The following ZBTB7C variants were observed in gnomAD, a reference collection of about 807,000 sequenced individuals.
ZBTB7C encodes zinc finger and BTB domain-containing protein 7C.
ZBTB7C carries 8 observed loss-of-function variants against 25.7 expected under a neutral mutation model. The observed-to-expected ratio is 0.31, with a 90% CI of 0.18 to 0.56. ZBTB7C has a LOEUF of 0.56. Ranked by LOEUF, ZBTB7C falls within the 20% of genes least tolerant of loss-of-function variation. ZBTB7C has a pLI of 0.91. For missense variants in ZBTB7C, 824 were observed against 855.2 expected, an observed-to-expected ratio of 0.96 and a Z score of 0.46; for synonymous variants, 394 against 369.0, an observed-to-expected ratio of 1.07 and a Z score of -0.78.
At chr18:48,173,424 C>T (rs2041561059) in intron 3 of ZBTB7C, among the ~76,000 whole-genome samples, 1 of 152,184 alleles carries the variant, frequency 6.6e-6, no homozygotes, top group Non-Finnish European at 1.5e-5. Flanking sequence ...AAACTCCTCC[C>T]AGCCCACCCT....
chr18:48,134,889 T>C (rs2040098111), intron 3 of ZBTB7C, among the ~76,000 whole-genome samples: 1 of 152,244 alleles, frequency 6.6e-6, no homozygotes, highest in Non-Finnish European at 1.5e-5. Flanking sequence ...TCCTGGGCAC[T>C]TGGGGCAGAG....
Position 48,029,068 on chromosome 18 carries a change from G to T in ZBTB7C, c.*192C>A. ...CCTGGCCTTTTGGGAAAAGATGCCC[G>T]TCTCAGACCAGCAAAAGGAGGCAGC... On this transcript the variant is annotated 3_prime_UTR_variant, in exon 5 of 5. Coordinates refer to ENST00000590800, the MANE Select transcript of ZBTB7C (RefSeq NM_001318841.2). 1.2e-6 allele frequency: 1 copy of T among 809,506 alleles called. No individual in the cohort carries two copies. 50.1% of individuals were successfully genotyped at this position (809,506 alleles called of 1,614,324 possible). A position where few individuals can be genotyped will look rare whatever the true frequency, so the allele number is the denominator to read the frequency against.
At chr18:48,120,532 C>A (rs1598915562) in intron 3 of ZBTB7C, among the ~76,000 whole-genome samples, 1 of 152,094 alleles carries the variant, frequency 6.6e-6, no homozygotes, top group African/African-American at 2.4e-5. Context: ...ATCACTTGAA[C>A]CTTGGAGGTG....
Position 48,381,414 on chromosome 18 carries a change from T to TCTA in ZBTB7C, c.-304+27811_-304+27812insTAG, listed in dbSNP as rs2047631382. ...AAGAGATTTAGATAACTGGTAGAGATCCAGAGGTTGAAGTAGTAATAAGTA... is the reference window on the plus strand; with the variant it reads ...AAGAGATTTAGATAACTGGTAGAGATCTACCAGAGGTTGAAGTAGTAATAAGTA... On this transcript the variant is annotated intron_variant, in intron 1 of 4. Coordinates refer to ENST00000590800, the MANE Select transcript of ZBTB7C (RefSeq NM_001318841.2). 2.0e-5 allele frequency among the ~76,000 whole-genome samples: 3 copies of TCTA among 152,170 alleles called. No homozygotes were observed. In the South Asian group the frequency reaches 6.2e-4, roughly 32 times the overall value.
intron 3 of ZBTB7C, chr18:48,072,533 AACAG>A (rs2037589298): frequency 1.3e-5 from 2 of 152,168 alleles, no homozygotes; most frequent in Admixed American, 6.5e-5. Context: ...CCTGCGACTC[AACAG>A]ACAGACACAG....
At chr18:48,235,290 T>C (rs944490285) in intron 2 of ZBTB7C, among the ~76,000 whole-genome samples, 3 of 152,168 alleles carry the variant, frequency 2.0e-5, no homozygotes, top group Non-Finnish European at 2.9e-5. Flanking sequence ...TAGTTTCCTC[T>C]TCTGTTTTAG....
intron 3 of ZBTB7C, chr18:48,137,458 A>G (rs1345170495): frequency 3.1e-6 from 1 of 324,192 alleles, no homozygotes; most frequent in African/African-American, 2.3e-5. Flanking sequence ...ATGACTTACC[A>G]CTTATCTCAA....
chr18:48,060,250 A>C (rs1478827755), intron 3 of ZBTB7C, among the ~76,000 whole-genome samples: 1 of 152,154 alleles, frequency 6.6e-6, no homozygotes, highest in Non-Finnish European at 1.5e-5. Flanking sequence ...GGGGAGAAGG[A>C]GGAGGGAAGG....
At chr18:48,079,057 G>A (rs1228508879) in intron 3 of ZBTB7C, among the ~76,000 whole-genome samples, 2 of 152,048 alleles carry the variant, frequency 1.3e-5, no homozygotes, top group Non-Finnish European at 2.9e-5. Context: ...ATTTATTTTG[G>A]GTATATGCCT....
intron 3 of ZBTB7C, among the ~76,000 whole-genome samples, chr18:48,157,360 A>G (rs2040869912): frequency 6.6e-6 from 1 of 152,212 alleles, no homozygotes; most frequent in Non-Finnish European, 1.5e-5. Flanking sequence ...CACTGGTCCT[A>G]CAAGGCAATA....
chr18:48,029,694 G>C lies in ZBTB7C; in HGVS notation c.1426C>G (p.Arg476Gly), dbSNP rs750842250. ...GCAGGCTTGCGGCCGCGTCGGGGCCGTGCCATGCGGCAGCTCTGGCGCTTG... is the reference window on the plus strand; with the variant it reads ...GCAGGCTTGCGGCCGCGTCGGGGCCCTGCCATGCGGCAGCTCTGGCGCTTG... ...HIKRQSCRMARPRRGRKPAAW... is the reference protein window; with the variant it reads ...HIKRQSCRMAGPRRGRKPAAW... Residue 476 changes from arginine (R) to glycine (G), a missense_variant, in exon 5 of 5, where the codon CGG becomes GGG. Physicochemically the swap from Arg to Gly is moderately radical, Grantham distance 125 (BLOSUM62 -2). Around this residue, in one of 4 missense-constraint regions of ZBTB7C, gnomAD observed 342 missense variants for 307.0 expected, o/e 1.11. Coordinates refer to ENST00000590800, the MANE Select transcript of ZBTB7C (RefSeq NM_001318841.2). 7.5e-6 allele frequency: 12 copies of C among 1,597,614 alleles called. No individual in the cohort carries two copies. The highest frequency in any genetic ancestry group is 1.0e-5 in the Non-Finnish European group (12 of 1,177,074).
intron 2 of ZBTB7C, among the ~76,000 whole-genome samples, chr18:48,241,371 A>G (rs993218014): frequency 3.9e-5 from 6 of 152,342 alleles, no homozygotes; most frequent in South Asian, 4.1e-4. Flanking sequence ...AGATATTTAC[A>G]GAACGCTCTA....
At chr18:48,063,948 T>C (rs1021258036) in intron 3 of ZBTB7C, among the ~76,000 whole-genome samples, 3 of 152,116 alleles carry the variant, frequency 2.0e-5, no homozygotes, top group Non-Finnish European at 4.4e-5. Flanking sequence ...ACAGTGACAA[T>C]AGTGATATTG....
intron 3 of ZBTB7C, among the ~76,000 whole-genome samples, chr18:48,145,174 T>C (rs755356180): frequency 3.3e-5 from 5 of 152,222 alleles, no homozygotes; most frequent in African/African-American, 7.2e-5. Flanking sequence ...GCTGACTATA[T>C]GTCCCACAAT....
chr18:48,101,226 G>A (rs76051682), intron 3 of ZBTB7C, among the ~76,000 whole-genome samples: 2,555 of 152,248 alleles, frequency 0.017, 73 homozygotes, highest in African/African-American at 0.058. Context: ...TACCCTTGGC[G>A]TTCTCAGGCT....
In ZBTB7C at chr18:48,029,524, C is replaced by G; in HGVS notation, c.1596G>C (p.Lys532Asn). ...CGCCCTTGGGCGCTGCCAGGAAGTG[C>G]TTGGCGGGGCTGGGGCCCGGGAGGC... ...AVCLPGPSPA[K>N]HFLAAPKGAL... Residue 532 changes from lysine (K) to asparagine (N), a missense_variant, in exon 5 of 5, where the codon AAG becomes AAC. Coordinates refer to ENST00000590800, the MANE Select transcript of ZBTB7C (RefSeq NM_001318841.2). The G allele has an allele frequency of 1.9e-6, 3 of 1,577,748 alleles. No individual in the cohort carries two copies. Among genetic ancestry groups the G allele is most frequent in the Non-Finnish European group, 2.6e-6 (3 of 1,170,444 alleles).
At chr18:48,237,532 C>G (rs1400154556) in intron 2 of ZBTB7C, among the ~76,000 whole-genome samples, 1 of 152,106 alleles carries the variant, frequency 6.6e-6, no homozygotes, top group East Asian at 1.9e-4. Flanking sequence ...TACATATACA[C>G]ATCAGAATGG....
intron 2 of ZBTB7C, among the ~76,000 whole-genome samples, chr18:48,293,870 AG>A (rs11285710): frequency 0.29 from 43,755 of 152,124 alleles, 6,432 homozygotes; most frequent in African/African-American, 0.33. Context: ...CTCCAGCCTA[AG>A]CCTCTCAAAG....
chr18:48,236,964 C>T (rs1187369872), intron 2 of ZBTB7C, among the ~76,000 whole-genome samples: 1 of 152,098 alleles, frequency 6.6e-6, no homozygotes, highest in African/African-American at 2.4e-5. Context: ...GCAATGGCAA[C>T]CATCCTGAGA....
Sources: allele counts gnomAD v4.1 joint callset (sites outside exome capture counted in the v4.1 genomes callset), GRCh38; gene constraint gnomAD v4.1.1; regional missense constraint gnomAD v4.1.1; transcripts MANE v1.5; gene names NCBI Gene and HGNC (gene_info 2026-07-23, HGNC 2026-07-21).